The following BAIAP2 variants were observed in gnomAD, a reference collection of about 807,000 sequenced individuals.
The protein encoded by BAIAP2 is BAR/IMD domain containing adaptor protein 2, also known as BAR/IMD domain-containing adapter protein 2.
In BAIAP2, 18 loss-of-function variants were observed where a neutral mutation model predicts 63.0. The ratio of observed to expected loss-of-function variants is 0.29; its 90% CI spans 0.20 to 0.42. The LOEUF (loss-of-function observed/expected upper bound fraction) is 0.42, where lower values mean the gene tolerates loss of function less well. Among genes scored for constraint, BAIAP2 ranks in the 10% least tolerant of loss-of-function variants. The pLI, the probability that BAIAP2 is intolerant of heterozygous loss-of-function variation, is 1.00. For missense variants in BAIAP2, 610 were observed against 734.3 expected, an observed-to-expected ratio of 0.83 and a Z score of 1.96; for synonymous variants, 386 against 307.6, an observed-to-expected ratio of 1.25 and a Z score of -2.67.
At chr17:81,106,649 G>A in intron 11 of BAIAP2, 96 bp from the exon 12 acceptor site, 1 of 1,455,158 alleles carries the variant, frequency 6.9e-7, no homozygotes. Flanking sequence ...ATGTGGCGTG[G>A]GCTAGGTGAG....
At chr17:81,041,976 A>T (rs1488598606) in intron 1 of BAIAP2, among the ~76,000 whole-genome samples, 1 of 152,170 alleles carries the variant, frequency 6.6e-6, no homozygotes, top group East Asian at 1.9e-4. Context: ...CTTCTGAGTC[A>T]CATTTCAGCT....
chr17:81,073,269 A>C (rs1425994508), intron 3 of BAIAP2, among the ~76,000 whole-genome samples: 1 of 152,102 alleles, frequency 6.6e-6, no homozygotes, highest in East Asian at 1.9e-4. Flanking sequence ...TTGGTTACCC[A>C]GGAGTTCAGA....
Position 81,104,114 on chromosome 17 carries a change from G to A in BAIAP2, c.1066+6G>A. On this transcript the variant is annotated splice_donor_region_variant and intron_variant, in intron 9 of 13. Coordinates refer to ENST00000428708, the MANE Select transcript of BAIAP2 (RefSeq NM_001144888.2). ...AAAAAACAGCTATGCCACCAGTAAGGGCTCCGCTGGGGTGTTGGGCTGGGG... is the reference window on the plus strand; with the variant it reads ...AAAAAACAGCTATGCCACCAGTAAGAGCTCCGCTGGGGTGTTGGGCTGGGG... 1.2e-6 allele frequency: 2 copies of A among 1,612,972 alleles called. No homozygotes were observed. Among genetic ancestry groups the A allele is most frequent in the Non-Finnish European group, 8.5e-7 (1 of 1,179,860 alleles).
At chr17:81,079,082 C>A (rs2054174010) in intron 3 of BAIAP2, among the ~76,000 whole-genome samples, 1 of 152,202 alleles carries the variant, frequency 6.6e-6, no homozygotes, top group Non-Finnish European at 1.5e-5. Flanking sequence ...AGGGCCCTCT[C>A]CGCCAGGTGC....
chr17:81,056,616 T>G (rs1044879176), intron 2 of BAIAP2: 14 of 152,420 alleles, frequency 9.2e-5, no homozygotes, highest in African/African-American at 3.4e-4. Context: ...CACCAAGGCG[T>G]GGGTTCCGTT....
intron 3 of BAIAP2, chr17:81,083,111 G>A (rs1404974141): frequency 6.6e-6 from 1 of 152,282 alleles, no homozygotes; most frequent in Non-Finnish European, 1.5e-5. Flanking sequence ...GTGACCCAAG[G>A]CCAGCCCAGC....
intron 1 of BAIAP2, among the ~76,000 whole-genome samples, chr17:81,047,267 C>G (rs1431729384): frequency 6.6e-6 from 1 of 152,146 alleles, no homozygotes; most frequent in Non-Finnish European, 1.5e-5. Flanking sequence ...CTGGGCTCCA[C>G]CAAGAGCTGA....
chr17:81,057,652 C>G lies in BAIAP2; in HGVS notation c.131-229C>G, dbSNP rs571419595. On this transcript the variant is annotated intron_variant, in intron 2 of 13. Transcript: ENST00000428708. Reference sequence around the variant, plus strand: ...GAATAGCTCAGGACCTGAACTGGTACGTTGTGTTCTTACGAGTCAAGGGAG... The same window carrying G: ...GAATAGCTCAGGACCTGAACTGGTAGGTTGTGTTCTTACGAGTCAAGGGAG... The G allele has an allele frequency of 4.5e-6, 6 of 1,319,772 alleles. No individual in the cohort carries two copies. The South Asian group carries it at 8.8e-5, about 19-fold the overall frequency. 81.8% of individuals were successfully genotyped at this position (1,319,772 alleles called of 1,614,324 possible).
At chr17:81,058,650 C>T (rs945862053) in intron 3 of BAIAP2, among the ~76,000 whole-genome samples, 4 of 152,194 alleles carry the variant, frequency 2.6e-5, no homozygotes, top group Non-Finnish European at 5.9e-5. Flanking sequence ...GAGCTGTGGC[C>T]GGCAGAGCGG....
At chr17:81,066,154 C>A (rs1015333317) in intron 3 of BAIAP2, among the ~76,000 whole-genome samples, 1 of 152,204 alleles carries the variant, frequency 6.6e-6, no homozygotes, top group Admixed American at 6.5e-5. Flanking sequence ...GTGTTTTTGT[C>A]CTTTGAAGAG....
At chr17:81,065,284 A>G (rs2051265847) in intron 3 of BAIAP2, among the ~76,000 whole-genome samples, 1 of 152,230 alleles carries the variant, frequency 6.6e-6, no homozygotes, top group South Asian at 2.1e-4. Context: ...GCCTGGTCAC[A>G]GAAGCAGTGC....
chr17:81,035,658 C>T (rs1253000907), intron 1 of BAIAP2, among the ~76,000 whole-genome samples: 1 of 151,464 alleles, frequency 6.6e-6, no homozygotes, highest in African/African-American at 2.4e-5. Flanking sequence ...GCGCGCCGGG[C>T]CCCGGAAGCC....
At chr17:81,056,728 G>A (rs1307678042) in intron 2 of BAIAP2, among the ~76,000 whole-genome samples, 2 of 152,246 alleles carry the variant, frequency 1.3e-5, no homozygotes, top group Non-Finnish European at 2.9e-5. Flanking sequence ...ATGGCCTGGT[G>A]GGAATGAGCT....
At chr17:81,050,755 G>T (rs1232685432) in intron 1 of BAIAP2, among the ~76,000 whole-genome samples, 1 of 149,852 alleles carries the variant, frequency 6.7e-6, no homozygotes, top group African/African-American at 2.5e-5. Flanking sequence ...GGACACACAT[G>T]CACACATGCA....
At chr17:81,114,376 A>C (rs895829298) in intron 13 of BAIAP2, among the ~76,000 whole-genome samples, 1 of 152,116 alleles carries the variant, frequency 6.6e-6, no homozygotes, top group Non-Finnish European at 1.5e-5. Context: ...CCTGGCAGGC[A>C]GACAGGGCAT....
chr17:81,110,544 C>T (rs765456924), intron 13 of BAIAP2: 173 of 1,134,570 alleles, frequency 1.5e-4, no homozygotes, highest in East Asian at 1.9e-4. Flanking sequence ...TTCCGGTTCC[C>T]GGCGTGCGTC....
Position 81,109,301 on chromosome 17 carries a change from T to G in BAIAP2, c.1535+792T>G, listed in dbSNP as rs1280264987. On this transcript the variant is annotated intron_variant, in intron 13 of 13. Transcript: ENST00000428708. ...GCACCCTCGGCCTCACCCTGCAGTG[T>G]CTGTGGCACTCACTGCTTTTCTAAG... is the stretch of plus-strand genomic sequence containing the variant. 23 of 1,194,014 alleles carry G rather than the reference T, an allele frequency of 1.9e-5. No homozygotes were observed. In the South Asian group the frequency reaches 2.5e-4, roughly 13 times the overall value. 74.0% of individuals were successfully genotyped at this position (1,194,014 alleles called of 1,614,324 possible).
intron 12 of BAIAP2, 90 bp downstream of exon 12, chr17:81,106,997 C>T (rs922190696): frequency 6.2e-5 from 87 of 1,406,024 alleles, no homozygotes; most frequent in African/African-American, 1.9e-4. Context: ...CGCTGAGGGG[C>T]GGGGCGCCTG....
chr17:81,059,439 G>A (rs1243542763), intron 3 of BAIAP2, among the ~76,000 whole-genome samples: 2 of 152,108 alleles, frequency 1.3e-5, no homozygotes, highest in Non-Finnish European at 2.9e-5. Context: ...GTGGGTGTCT[G>A]TGAAAGGGGC....
Sources: allele counts gnomAD v4.1 joint callset (sites outside exome capture counted in the v4.1 genomes callset), GRCh38; gene constraint gnomAD v4.1.1; transcripts MANE v1.5; gene names NCBI Gene and HGNC (gene_info 2026-07-23, HGNC 2026-07-21).